The following ZFR2 variants were observed in gnomAD, a reference collection of about 807,000 sequenced individuals.
The protein encoded by ZFR2 is zinc finger RNA-binding protein 2.
A neutral mutation model predicts 105.7 loss-of-function variants in ZFR2; 104 were observed. That is an observed-to-expected ratio of 0.98 (90% confidence interval 0.84 to 1.16). The LOEUF (loss-of-function observed/expected upper bound fraction) is 1.16, where lower values mean the gene tolerates loss of function less well. Among genes scored for constraint, ZFR2 ranks in the 50% most tolerant of loss-of-function variants. The pLI is 0.00. For synonymous variants in ZFR2, 634 were observed against 597.7 expected, an observed-to-expected ratio of 1.06 and a Z score of -0.89; for missense variants, 1,425 against 1,355.5, an observed-to-expected ratio of 1.05 and a Z score of -0.80.
At chr19:3,854,642 G>A (rs977921796) in intron 1 of ZFR2, among the ~76,000 whole-genome samples, 1 of 152,264 alleles carries the variant, frequency 6.6e-6, no homozygotes, top group African/African-American at 2.4e-5. Flanking sequence ...CAGGGGTCTT[G>A]ATGTAGAGCA....
intron 1 of ZFR2, among the ~76,000 whole-genome samples, chr19:3,837,851 T>G (rs1285199110): frequency 1.3e-5 from 2 of 152,024 alleles, no homozygotes; most frequent in African/African-American, 2.4e-5. Context: ...TGACACTCAA[T>G]GAACACCATG....
intron 1 of ZFR2, among the ~76,000 whole-genome samples, chr19:3,849,137 C>G (rs142257435): frequency 6.6e-6 from 1 of 152,242 alleles, no homozygotes; most frequent in Non-Finnish European, 1.5e-5. Context: ...CCTTGCCCCT[C>G]CAACCTGGAG....
rs1026219405 is a variant in ZFR2, at chr19:3,858,536, A to G, written c.53+10429T>C. Among the ~76,000 whole-genome samples, 2 of 152,174 alleles carry G rather than the reference A, an allele frequency of 1.3e-5. No homozygotes were observed. The highest frequency in any genetic ancestry group is 2.9e-5 in the Non-Finnish European group (2 of 68,024). ...TCATTCTTTCTAAAAACAAGGACTCAGTCAGGTGCAGTGGCTCACGCCTAT... is the reference window on the plus strand; with the variant it reads ...TCATTCTTTCTAAAAACAAGGACTCGGTCAGGTGCAGTGGCTCACGCCTAT... On this transcript the variant is annotated intron_variant, in intron 1 of 18. Coordinates refer to ENST00000262961, the MANE Select transcript of ZFR2 (RefSeq NM_015174.2). The surrounding 1 kb of genome is among the most constrained non-coding windows in gnomAD (Gnocchi z 4.3).
At chr19:3,855,437 C>A (rs1599254117) in intron 1 of ZFR2, 1 of 1,231,668 alleles carries the variant, frequency 8.1e-7, no homozygotes, top group Non-Finnish European at 1.0e-6. Flanking sequence ...GGCGATCCGG[C>A]GGCAGATTCA....
chr19:3,810,772 G>A lies in ZFR2; in HGVS notation c.2411C>T (p.Thr804Ile), dbSNP rs529162303. Residue 804 changes from threonine to isoleucine, a missense_variant, in exon 16 of 19, where the codon ACC becomes ATC. Coordinates refer to ENST00000262961, the MANE Select transcript of ZFR2 (RefSeq NM_015174.2). ...TACCCAGGCTGGCAGGGCCCCCCAG[G>A]TGGGCACACGCCGGCAGAGGTCCCT... is the stretch of plus-strand genomic sequence containing the variant. ...VLRDLCRRVP[T>I]WGALPAWAME... The A allele has an allele frequency of 6.9e-4, 1,065 of 1,549,902 alleles. 1 individual carries two copies. The highest frequency in any genetic ancestry group is 8.8e-4 in the Non-Finnish European group (1,014 of 1,146,642).
rs548683401 is a variant in ZFR2 at position 3,823,668 on chromosome 19, C to A, written c.1214-265G>T. Among the ~76,000 whole-genome samples the A allele has an allele frequency of 6.6e-6, 1 of 152,282 alleles. No homozygotes were observed. Among genetic ancestry groups the A allele is most frequent in the African/African-American group, 2.4e-5 (1 of 41,558 alleles). The stretch of plus-strand genomic sequence containing the variant: ...TTAGGCCCTCGCTTGAGGAACCCAC[C>A]GACAGCACAAAATCCACAGTTAATA... On this transcript the variant is annotated intron_variant, in intron 7 of 18. Coordinates refer to ENST00000262961, the MANE Select transcript of ZFR2 (RefSeq NM_015174.2). The surrounding 1 kb of genome is among the most constrained non-coding windows in gnomAD (Gnocchi z 5.4).
At position 3,816,850 on chromosome 19, in the gene ZFR2, G is replaced by A. The variant is rs2037830294; in HGVS notation, c.1932-5C>T. 6.4e-7 allele frequency: 1 copy of A among 1,554,312 alleles called. No homozygotes were observed. The highest frequency in any genetic ancestry group is 1.4e-5 in the African/African-American group (1 of 73,322). On this transcript the variant is annotated splice_polypyrimidine_tract_variant and splice_region_variant and intron_variant, in intron 12 of 18. Coordinates refer to ENST00000262961, the MANE Select transcript of ZFR2 (RefSeq NM_015174.2). ...CGAGTCTGGGGGGCAACGCTGCTGTGGGGACAAAGCCACAGACGTGCGCCA... is the reference window on the plus strand; with the variant it reads ...CGAGTCTGGGGGGCAACGCTGCTGTAGGGACAAAGCCACAGACGTGCGCCA...
Position 3,810,853 on chromosome 19 carries a change from G to T in ZFR2, c.2338-8C>A, listed in dbSNP as rs1006292803. The stretch of plus-strand genomic sequence containing the variant: ...CAGGCCGCTGGCTCGAGCCTTCGGG[G>T]GAGAAGCACACGGTTAGCTTTCAGG... On this transcript the variant is annotated splice_polypyrimidine_tract_variant and splice_region_variant and intron_variant, in intron 15 of 18. Coordinates refer to ENST00000262961, the MANE Select transcript of ZFR2 (RefSeq NM_015174.2). The T allele has an allele frequency of 3.2e-6, 5 of 1,550,094 alleles. No individual in the cohort carries two copies. The South Asian group carries it at 4.8e-5, about 15-fold the overall frequency.
Position 3,831,271 on chromosome 19 carries a change from T to G in ZFR2, c.852+32A>C, listed in dbSNP as rs914186088. ...CAGACGTTGGGGACAGAGAGGTCCC[T>G]GGGGCCTGCCCATGGCAGGAGGGCG... On this transcript the variant is annotated intron_variant, in intron 5 of 18. Transcript: ENST00000262961. 8.1e-6 allele frequency: 12 copies of G among 1,477,358 alleles called. No individual in the cohort carries two copies. In the African/African-American group the frequency reaches 1.5e-4, roughly 19 times the overall value. The allele number at this position is 1,477,358 out of a possible 1,614,324, so 91.5% of individuals were successfully genotyped here.
intron 1 of ZFR2, among the ~76,000 whole-genome samples, chr19:3,853,132 G>A (rs1033906961): frequency 6.6e-6 from 1 of 152,168 alleles, no homozygotes; most frequent in Non-Finnish European, 1.5e-5. Flanking sequence ...CTCAGATCTG[G>A]GAAGGACAGG....
rs746740509 is a variant in ZFR2 at position 3,816,708 on chromosome 19, C to T, written c.2069G>A (p.Arg690Gln). The change falls in exon 13 of 19, where the codon CGG becomes CAG. Residue 690 changes from arginine (R) to glutamine (Q), a missense_variant. Transcript: ENST00000262961. ...CCGGGGCAGCTGCTGGGCGATCCTC[C>T]GCAGCAGGCTGTGCGTGGGCTTCTC... Reference protein sequence around the residue: ...CSEKPTHSLLRRIAQQLPRQL... With the variant: ...CSEKPTHSLLQRIAQQLPRQL... 86 of 1,611,408 alleles carry T rather than the reference C, an allele frequency of 5.3e-5. No homozygotes were observed. The Middle Eastern group carries it at 1.5e-3, about 28-fold the overall frequency.
At chr19:3,831,025 GCACA>G (rs1046997622) in intron 5 of ZFR2, among the ~76,000 whole-genome samples, 22 of 151,434 alleles carry the variant, frequency 1.5e-4, no homozygotes, top group East Asian at 3.9e-4. Context: ...GCACACATGC[GCACA>G]CATACGTGCA....
chr19:3,821,041 G>T (rs971461526), intron 10 of ZFR2, among the ~76,000 whole-genome samples: 2 of 151,882 alleles, frequency 1.3e-5, no homozygotes, highest in Non-Finnish European at 2.9e-5. Flanking sequence ...GGGGACACAG[G>T]TCACAAGGCA....
At chr19:3,859,027 T>G (rs2038339357) in intron 1 of ZFR2, among the ~76,000 whole-genome samples, 1 of 152,120 alleles carries the variant, frequency 6.6e-6, no homozygotes, top group Non-Finnish European at 1.5e-5. Flanking sequence ...TGGGTGTGTC[T>G]GTGAGGGTGT....
At chr19:3,831,622 G>A (rs375152919) in intron 4 of ZFR2, 38 bp downstream of exon 4, 105 of 1,521,002 alleles carry the variant, frequency 6.9e-5, no homozygotes, top group Non-Finnish European at 8.8e-5. Context: ...AGTGGGGACC[G>A]ACGGGCAGAC....
chr19:3,861,165 G>C (rs1433201432), intron 1 of ZFR2, among the ~76,000 whole-genome samples: 1 of 151,938 alleles, frequency 6.6e-6, no homozygotes, highest in South Asian at 2.1e-4. Context: ...CGCCAACCGC[G>C]ACAAGTAAAC....
At chr19:3,866,433 GGTA>G (rs2038428240) in intron 1 of ZFR2, among the ~76,000 whole-genome samples, 1 of 21,520 alleles carries the variant, frequency 4.6e-5, no homozygotes, top group African/African-American at 5.0e-4. Flanking sequence ...GAACACAGAA[GGTA>G]GCTGTGCTAA....
At chr19:3,835,302 AT>A in intron 1 of ZFR2, among the ~76,000 whole-genome samples, 1 of 152,120 alleles carries the variant, frequency 6.6e-6, no homozygotes, top group South Asian at 2.1e-4. Context: ...CTTTTTCTCC[AT>A]GTCAAGATTC....
rs1381596527 is a variant in ZFR2, at chr19:3,811,278, C to A, written c.2331G>T (p.Trp777Cys). 2 of 1,592,742 alleles carry A rather than the reference C, an allele frequency of 1.3e-6. No individual in the cohort carries two copies. The highest frequency in any genetic ancestry group is 4.6e-5 in the East Asian group (2 of 43,808). Residue 777 changes from tryptophan to cysteine, a missense_variant, in exon 15 of 19, where the codon TGG (tryptophan) becomes TGT (cysteine). By Grantham distance (215) the Trp-to-Cys change is radical (BLOSUM62 -2). Coordinates refer to ENST00000262961, the MANE Select transcript of ZFR2 (RefSeq NM_015174.2). The stretch of plus-strand genomic sequence containing the variant: ...CCACCCCTGCCCCCCTGACCTGAAA[C>A]CACCTGGCATGACGGAGGGCGGCCA... ...ESLAALRHAR[W>C]FQARASGLQP...
Sources: allele counts gnomAD v4.1 joint callset (sites outside exome capture counted in the v4.1 genomes callset), GRCh38; gene constraint gnomAD v4.1.1; non-coding constraint Gnocchi (gnomAD v3.1); transcripts MANE v1.5; gene names NCBI Gene and HGNC (gene_info 2026-07-23, HGNC 2026-07-21).